Variants in ZEB1 observed in about 807,000 individuals in gnomAD.
ZEB1 encodes zinc finger E-box binding homeobox 1.
Under a neutral mutation model 84.9 loss-of-function variants are expected in ZEB1, and 21 were observed. That is an observed-to-expected ratio of 0.25 (90% CI 0.18 to 0.36). ZEB1 has a LOEUF of 0.36. Among genes scored for constraint, ZEB1 ranks in the 10% least tolerant of loss-of-function variants. The pLI is 1.00. For synonymous variants in ZEB1, 420 were observed against 471.1 expected (o/e 0.89, Z 1.41); for missense variants, 1,104 against 1,330.2 (o/e 0.83, Z 2.65).
At chr10:31,522,510 G>C (rs1179803145) in intron 7 of ZEB1, among the ~76,000 whole-genome samples, 3 of 152,186 alleles carry the variant, frequency 2.0e-5, no homozygotes, top group Non-Finnish European at 2.9e-5. Context: ...ATGAGGAAGT[G>C]TGGCTGTGAA....
At chr10:31,341,058 G>A (rs949514003) in intron 1 of ZEB1, among the ~76,000 whole-genome samples, 39 of 152,258 alleles carry the variant, frequency 2.6e-4, no homozygotes, top group African/African-American at 9.4e-4. Context: ...TAAATGCCAT[G>A]TTTAGGAGCT....
At chr10:31,395,640 A>G (rs955740963) in intron 1 of ZEB1, among the ~76,000 whole-genome samples, 7 of 152,156 alleles carry the variant, frequency 4.6e-5, no homozygotes, top group African/African-American at 1.7e-4. Context: ...CACAGGGGGA[A>G]CCCTGAACAT....
intron 2 of ZEB1, among the ~76,000 whole-genome samples, chr10:31,482,349 A>G (rs1232872208): frequency 6.6e-6 from 1 of 152,054 alleles, no homozygotes; most frequent in Non-Finnish European, 1.5e-5. Flanking sequence ...AGGTCATAAA[A>G]TACAAATAAA....
rs926220642 is a variant in ZEB1, at chr10:31,519,119, T to G, written c.794-1007T>G. Among the ~76,000 whole-genome samples the G allele has an allele frequency of 3.9e-5, 6 of 152,152 alleles. 1 individual carries two copies. Among genetic ancestry groups the G allele is most frequent in the Admixed American group, 3.9e-4 (6 of 15,262 alleles). Reference sequence around the variant, plus strand: ...TCCAAAAAAGGTTTAATGAGCATCTTTGCAACCTGTACTTTGATGGGTGCA... The same window carrying G: ...TCCAAAAAAGGTTTAATGAGCATCTGTGCAACCTGTACTTTGATGGGTGCA... On this transcript the variant is annotated intron_variant, in intron 6 of 8. Transcript: ENST00000424869.
chr10:31,380,540 A>AAAAGTTGCTG lies in ZEB1; in HGVS notation c.58+61250_58+61259dup, dbSNP rs529872785. Among the ~76,000 whole-genome samples, 495 of 152,286 alleles carry AAAAGTTGCTG rather than the reference A, an allele frequency of 3.3e-3. 3 individuals carry two copies. Among genetic ancestry groups the AAAAGTTGCTG allele is most frequent in the African/African-American group, 0.011 (458 of 41,552 alleles). On this transcript the variant is annotated intron_variant, in intron 1 of 8. Coordinates refer to ENST00000424869, the MANE Select transcript of ZEB1 (RefSeq NM_001174096.2). ...TTCTACCAATCTTTCCTCCCGTGGG[A>AAAAGTTGCTG]AAAGTTGCTGACTGTTCTCCAAATC...
chr10:31,439,272 T>C (rs537054620), intron 1 of ZEB1, among the ~76,000 whole-genome samples: 7 of 152,284 alleles, frequency 4.6e-5, no homozygotes, highest in Admixed American at 4.6e-4. Flanking sequence ...GGTTTTTTTG[T>C]AATTAAAAAC....
At chr10:31,451,880 T>C (rs1203548551) in intron 1 of ZEB1, among the ~76,000 whole-genome samples, 1 of 152,040 alleles carries the variant, frequency 6.6e-6, no homozygotes, top group Non-Finnish European at 1.5e-5. Context: ...AACAAAGAAA[T>C]CCTACGAATC....
At chr10:31,523,821 T>A (rs1030558117) in intron 7 of ZEB1, 112 bp from the exon 8 acceptor site, 5 of 1,293,082 alleles carry the variant, frequency 3.9e-6, no homozygotes, top group Non-Finnish European at 4.3e-6. Context: ...GGTCAAGTCC[T>A]TGAAAGTATA....
intron 1 of ZEB1, among the ~76,000 whole-genome samples, chr10:31,351,985 C>T (rs2041384913): frequency 6.6e-6 from 1 of 152,092 alleles, no homozygotes; most frequent in Admixed American, 6.5e-5. Context: ...GTATGTTTTA[C>T]TGTATACTAA....
intron 2 of ZEB1, among the ~76,000 whole-genome samples, chr10:31,495,487 A>G (rs1348547529): frequency 6.6e-6 from 1 of 152,062 alleles, no homozygotes; most frequent in Non-Finnish European, 1.5e-5. Context: ...AGGACACATT[A>G]CCATATTCAT....
chr10:31,363,600 C>G (rs2043808913), intron 1 of ZEB1: 1 of 1,519,256 alleles, frequency 6.6e-7, no homozygotes, highest in Admixed American at 2.0e-5. Context: ...CTGCGCTCAC[C>G]TCCGTCTTCG....
At chr10:31,425,211 A>T (rs148190441) in intron 1 of ZEB1, among the ~76,000 whole-genome samples, 3 of 152,182 alleles carry the variant, frequency 2.0e-5, no homozygotes, top group African/African-American at 4.8e-5. Flanking sequence ...CACGAATTTG[A>T]ATCAATTGAA....
At chr10:31,405,424 C>T (rs1196678370) in intron 1 of ZEB1, among the ~76,000 whole-genome samples, 1 of 152,074 alleles carries the variant, frequency 6.6e-6, no homozygotes, top group Non-Finnish European at 1.5e-5. Flanking sequence ...CTGGGCTTTA[C>T]CCAGAAAAGT....
At chr10:31,518,073 T>C (rs2071504000) in intron 6 of ZEB1, among the ~76,000 whole-genome samples, 1 of 152,156 alleles carries the variant, frequency 6.6e-6, no homozygotes, top group African/African-American at 2.4e-5. Context: ...CTAGCGTCTC[T>C]AGAAGGAAAA....
intron 1 of ZEB1, among the ~76,000 whole-genome samples, chr10:31,381,293 A>G (rs1223132846): frequency 1.3e-5 from 2 of 152,216 alleles, no homozygotes; most frequent in African/African-American, 4.8e-5. Flanking sequence ...AAAATTTAAT[A>G]AAGTACCAGA....
chr10:31,360,899 A>T, intron 1 of ZEB1: 1 of 1,399,626 alleles, frequency 7.1e-7, no homozygotes, highest in African/African-American at 1.4e-5. Context: ...CAGTAACCTG[A>T]AACAGTACTG....
chr10:31,505,732 A>G (rs555119396), intron 4 of ZEB1, among the ~76,000 whole-genome samples: 21 of 151,826 alleles, frequency 1.4e-4, no homozygotes, highest in Non-Finnish European at 2.4e-4. Context: ...GTTGTTTTTT[A>G]GTCTTCATTT....
At chr10:31,385,456 G>A (rs2048451597) in intron 1 of ZEB1, among the ~76,000 whole-genome samples, 1 of 151,570 alleles carries the variant, frequency 6.6e-6, no homozygotes, top group Non-Finnish European at 1.5e-5. Context: ...TCCTTTATCA[G>A]TACCATTAAT....
intron 1 of ZEB1, among the ~76,000 whole-genome samples, chr10:31,409,599 G>A (rs1174864747): frequency 2.6e-5 from 4 of 152,104 alleles, no homozygotes; most frequent in African/African-American, 9.7e-5. Context: ...AATTACCTTG[G>A]GCAGTATGGC....
Sources: allele counts gnomAD v4.1 joint callset (sites outside exome capture counted in the v4.1 genomes callset), GRCh38; gene constraint gnomAD v4.1.1; transcripts MANE v1.5; gene names NCBI Gene and HGNC (gene_info 2026-07-23, HGNC 2026-07-21).